FARP1: variants seen among roughly 807,000 people sequenced by gnomAD.
FARP1 encodes the protein FERM, ARH/RhoGEF and pleckstrin domain protein 1, also known as FERM, ARHGEF and pleckstrin domain-containing protein 1.
In FARP1, 52 loss-of-function variants were observed where a neutral mutation model predicts 128.8. The ratio of observed to expected loss-of-function variants is 0.40; its 90% CI spans 0.32 to 0.51. The LOEUF (loss-of-function observed/expected upper bound fraction) is 0.51, where lower values mean the gene tolerates loss of function less well. Among genes scored for constraint, FARP1 ranks in the 20% least tolerant of loss-of-function variants. The probability of loss-of-function intolerance (pLI) is 0.45; values close to 1 mark genes in which losing one functional copy is unlikely to be tolerated. For missense variants in FARP1, 1,333 were observed against 1,367.9 expected, an observed-to-expected ratio of 0.97 and a Z score of 0.40; for synonymous variants, 580 against 551.8, an observed-to-expected ratio of 1.05 and a Z score of -0.72.
chr13:98,279,959 C>T (rs1356665956), intron 2 of FARP1, among the ~76,000 whole-genome samples: 3 of 152,092 alleles, frequency 2.0e-5, no homozygotes, highest in African/African-American at 7.2e-5. Context: ...CAGCACCTTT[C>T]TCAGGTGTTT....
intron 1 of FARP1, among the ~76,000 whole-genome samples, chr13:98,192,926 C>T (rs1446253718): frequency 6.6e-6 from 1 of 152,188 alleles, no homozygotes; most frequent in African/African-American, 2.4e-5. Context: ...CTCACCTAAG[C>T]CACAAGTTGT....
chr13:98,331,459 T>C (rs555294390), intron 2 of FARP1, among the ~76,000 whole-genome samples: 3 of 152,184 alleles, frequency 2.0e-5, no homozygotes, highest in Non-Finnish European at 4.4e-5. Context: ...CAGCTGCTCA[T>C]CAGAAGATAG....
intron 16 of FARP1, 150 bp from the exon 17 acceptor site, chr13:98,424,422 C>A (rs797017367): frequency 3.2e-6 from 2 of 625,786 alleles, no homozygotes; most frequent in East Asian, 5.5e-5. Flanking sequence ...AGTCTCCTTC[C>A]AACGATAACA....
At chr13:98,248,582 C>T (rs1032992023) in intron 2 of FARP1, among the ~76,000 whole-genome samples, 4 of 152,178 alleles carry the variant, frequency 2.6e-5, no homozygotes, top group South Asian at 2.1e-4. Flanking sequence ...TCATGGATTC[C>T]GTATTTGTGA....
chr13:98,316,490 T>G (rs1886727031), intron 2 of FARP1, among the ~76,000 whole-genome samples: 1 of 152,178 alleles, frequency 6.6e-6, no homozygotes, highest in Non-Finnish European at 1.5e-5. Flanking sequence ...CAGCTCCTGG[T>G]GCACCCTGCA....
chr13:98,447,984 C>T, intron 26 of FARP1: 1 of 543,042 alleles, frequency 1.8e-6, no homozygotes, highest in Non-Finnish European at 3.3e-6. Context: ...CTCCTAACTG[C>T]TCCAATGGAG....
intron 2 of FARP1, among the ~76,000 whole-genome samples, chr13:98,311,571 G>A (rs942374610): frequency 8.0e-6 from 1 of 125,120 alleles, no homozygotes; most frequent in African/African-American, 2.5e-5. Flanking sequence ...GTGCATGTGC[G>A]TGTGTGTGTG....
chr13:98,393,674 C>T lies in FARP1; in HGVS notation c.1120C>T (p.Leu374Phe). The T allele has an allele frequency of 6.2e-7, 1 of 1,614,122 alleles. No homozygotes were observed. Among genetic ancestry groups the T allele is most frequent in the Non-Finnish European group, 8.5e-7 (1 of 1,179,956 alleles). Residue 374 changes from leucine to phenylalanine, a missense_variant, in exon 12 of 27, where the codon CTT (leucine) becomes TTT (phenylalanine). Around this residue, in one of 2 missense-constraint regions of FARP1, gnomAD observed 1,009 missense variants for 969.8 expected, o/e 1.04. Transcript: ENST00000319562. Reference protein sequence around the residue: ...KHSKIHSIRSLASQPTELNSE... With the variant: ...KHSKIHSIRSFASQPTELNSE... ...CAGCAAGATTCATTCTATCCGGAGC[C>T]TTGCTTCACAGCCTACAGAACTGAA...
intron 2 of FARP1, among the ~76,000 whole-genome samples, chr13:98,316,746 G>T (rs1162510848): frequency 6.6e-6 from 1 of 152,204 alleles, no homozygotes; most frequent in South Asian, 2.1e-4. Context: ...TTGCCGAAAT[G>T]AGTCTTGTCC....
intron 6 of FARP1, among the ~76,000 whole-genome samples, chr13:98,379,093 AAT>A (rs1274111347): frequency 0.045 from 3,726 of 82,590 alleles, 734 homozygotes; most frequent in Non-Finnish European, 0.059. Context: ...ATCTATATAT[AAT>A]ATATATATAA....
chr13:98,321,017 G>A (rs556855212), intron 2 of FARP1, among the ~76,000 whole-genome samples: 1 of 152,300 alleles, frequency 6.6e-6, no homozygotes, highest in South Asian at 2.1e-4. Flanking sequence ...CGAACTGGGA[G>A]TCTTTGGGTT....
At chr13:98,422,481 C>T (rs1439463751) in intron 16 of FARP1, among the ~76,000 whole-genome samples, 2 of 152,120 alleles carry the variant, frequency 1.3e-5, no homozygotes, top group Non-Finnish European at 2.9e-5. Flanking sequence ...GCAACGAAGA[C>T]CCAGGAAGGA....
intron 3 of FARP1, among the ~76,000 whole-genome samples, chr13:98,349,002 C>T (rs1888294281): frequency 6.6e-6 from 1 of 152,224 alleles, no homozygotes; most frequent in African/African-American, 2.4e-5. Context: ...CATGTGGCTG[C>T]CTGTCCTTGG....
intron 2 of FARP1, among the ~76,000 whole-genome samples, chr13:98,300,399 C>G (rs986125287): frequency 4.6e-5 from 7 of 152,234 alleles, no homozygotes; most frequent in Admixed American, 1.3e-4. Flanking sequence ...TATCATCGTT[C>G]TAACCGGCAG....
intron 1 of FARP1, among the ~76,000 whole-genome samples, chr13:98,146,375 T>C (rs912384823): frequency 6.6e-6 from 1 of 152,192 alleles, no homozygotes; most frequent in Non-Finnish European, 1.5e-5. Flanking sequence ...ATTACAGGCA[T>C]TTGCCGCCAT....
intron 13 of FARP1, chr13:98,396,506 A>G (rs541226163): frequency 9.8e-5 from 39 of 398,948 alleles, no homozygotes; most frequent in Non-Finnish European, 1.6e-4. Flanking sequence ...CCAGGAGCCA[A>G]GTCTTCAGCC....
chr13:98,242,782 G>A (rs1239911730), intron 2 of FARP1, among the ~76,000 whole-genome samples: 1 of 152,170 alleles, frequency 6.6e-6, no homozygotes, highest in Non-Finnish European at 1.5e-5. Context: ...GCTTTTGAAA[G>A]GCTAATTTTA....
chr13:98,354,415 A>G (rs1411570213), intron 3 of FARP1, among the ~76,000 whole-genome samples: 2 of 152,258 alleles, frequency 1.3e-5, no homozygotes, highest in Non-Finnish European at 1.5e-5. Flanking sequence ...ATAACCAGAT[A>G]TGAAACATGG....
At chr13:98,234,971 G>T (rs1882334438) in intron 2 of FARP1, among the ~76,000 whole-genome samples, 2 of 152,174 alleles carry the variant, frequency 1.3e-5, no homozygotes, top group Admixed American at 1.3e-4. Flanking sequence ...TAATTCCAGT[G>T]ATATCAATCA....
Sources: gnomAD v4.1 joint callset for allele counts (sites outside exome capture counted in the v4.1 genomes callset) on GRCh38, gnomAD v4.1.1 for gene constraint, gnomAD v4.1.1 regional missense constraint, MANE v1.5 for transcripts, NCBI Gene and HGNC (gene_info 2026-07-23, HGNC 2026-07-21) for gene names.